The following PPP6C variants were observed in gnomAD, a reference collection of about 807,000 sequenced individuals.
The protein encoded by PPP6C is protein phosphatase 6 catalytic subunit, also known as serine/threonine-protein phosphatase 6 catalytic subunit.
In PPP6C, 11 loss-of-function variants were observed where a neutral mutation model predicts 39.8. The observed-to-expected ratio is 0.28, with a 90% CI of 0.17 to 0.46. The LOEUF is 0.46. Among genes scored for constraint, PPP6C ranks in the 20% least tolerant of loss-of-function variants. PPP6C has a pLI of 1.00. For missense variants in PPP6C, 211 were observed against 373.9 expected, an observed-to-expected ratio of 0.56 and a Z score of 3.59; for synonymous variants, 129 against 130.3, an observed-to-expected ratio of 0.99 and a Z score of 0.07.
At position 125,149,753 on chromosome 9, in the gene PPP6C, T is replaced by C. The variant is rs1835893075; in HGVS notation, c.838A>G (p.Arg280Gly). The change falls in exon 7 of 7, where the codon AGA (arginine) becomes GGA (glycine). Residue 280 changes from arginine to glycine, a missense_variant. Around this residue, in one of 2 missense-constraint regions of PPP6C, gnomAD observed 168 missense variants for 342.6 expected, o/e 0.49. Transcript: ENST00000373547. ...ACTGCCCGGAATAACTTTGGTTCTC[T>C]TGTATTTACATCTTTGAAGACCATG... ...SIMVFKDVNTREPKLFRAVPD... is the reference protein window; with the variant it reads ...SIMVFKDVNTGEPKLFRAVPD... The C allele has an allele frequency of 1.2e-6, 2 of 1,614,194 alleles. No individual in the cohort carries two copies. The highest frequency in any genetic ancestry group is 1.7e-6 in the Non-Finnish European group (2 of 1,180,030).
At chr9:125,174,652 A>G (rs1829255984) in intron 1 of PPP6C, among the ~76,000 whole-genome samples, 1 of 151,880 alleles carries the variant, frequency 6.6e-6, no homozygotes, top group African/African-American at 2.4e-5. Flanking sequence ...GCTCACACCT[A>G]TAATTCCAGC....
intron 1 of PPP6C, chr9:125,172,050 T>C (rs149833473): frequency 6.7e-6 from 3 of 446,856 alleles, no homozygotes; most frequent in African/African-American, 4.0e-5. Context: ...TAAACACATT[T>C]TGGTACATCC....
chr9:125,173,492 C>T (rs952493955), intron 1 of PPP6C, among the ~76,000 whole-genome samples: 6 of 150,522 alleles, frequency 4.0e-5, no homozygotes, highest in Admixed American at 1.3e-4. Context: ...GCAAGAGAAT[C>T]GCTTGAACCC....
At chr9:125,180,879 T>G (rs1829407544) in intron 1 of PPP6C, among the ~76,000 whole-genome samples, 1 of 152,160 alleles carries the variant, frequency 6.6e-6, no homozygotes, top group Non-Finnish European at 1.5e-5. Context: ...AACATCGCTG[T>G]GAAACTCTGT....
chr9:125,162,457 CA>C (rs977223135), intron 2 of PPP6C, among the ~76,000 whole-genome samples: 1,487 of 70,808 alleles, frequency 0.021, 29 homozygotes, highest in East Asian at 0.16. Flanking sequence ...GATTCTGTCT[CA>C]AAAAAAAAAA....
intron 1 of PPP6C, among the ~76,000 whole-genome samples, chr9:125,180,162 G>A (rs1829391832): frequency 6.6e-6 from 1 of 151,872 alleles, no homozygotes; most frequent in African/African-American, 2.4e-5. Context: ...ACACCCCACA[G>A]CCCTATGTAT....
chr9:125,154,375 T>C (rs968457731), intron 4 of PPP6C, among the ~76,000 whole-genome samples: 1 of 152,180 alleles, frequency 6.6e-6, no homozygotes, highest in South Asian at 2.1e-4. Context: ...CATAAGGAAA[T>C]AGTAACACAA....
chr9:125,150,949 A>T, intron 6 of PPP6C: 3 of 1,180,426 alleles, frequency 2.5e-6, no homozygotes, highest in Non-Finnish European at 2.5e-6. Context: ...GATAATAAAG[A>T]GTCAGGTGAC....
rs1222471860 is a variant in PPP6C at position 125,147,736 on chromosome 9, C to G, written c.*1937G>C. Reference sequence around the variant, plus strand: ...GCTAAGGAGTGTCAAACAGGGAGGGCTGGGAGTTACCGGTTCTATTAGTAC... The same window carrying G: ...GCTAAGGAGTGTCAAACAGGGAGGGGTGGGAGTTACCGGTTCTATTAGTAC... On this transcript the variant is annotated 3_prime_UTR_variant, in exon 7 of 7. Transcript: ENST00000373547. The G allele has an allele frequency of 6.6e-6, 1 of 151,902 alleles. No homozygotes were observed. The highest frequency in any genetic ancestry group is 1.5e-5 in the Non-Finnish European group (1 of 67,968). The allele number at this position is 151,902 out of a possible 1,614,324, so 9.4% of individuals were successfully genotyped here. A position where few individuals can be genotyped will look rare whatever the true frequency, so the allele number is the denominator to read the frequency against.
At chr9:125,178,659 C>T (rs916179208) in intron 1 of PPP6C, among the ~76,000 whole-genome samples, 1 of 152,146 alleles carries the variant, frequency 6.6e-6, no homozygotes, top group African/African-American at 2.4e-5. Flanking sequence ...CCTACAGCTA[C>T]CACAAATGCA....
chr9:125,157,368 G>A (rs1162638383), intron 4 of PPP6C, among the ~76,000 whole-genome samples: 1 of 152,114 alleles, frequency 6.6e-6, no homozygotes, highest in East Asian at 1.9e-4. Flanking sequence ...TATGTAAAAG[G>A]ATGTATAACA....
At chr9:125,157,043 A>G (rs1287555509) in intron 4 of PPP6C, among the ~76,000 whole-genome samples, 4 of 152,048 alleles carry the variant, frequency 2.6e-5, no homozygotes, top group South Asian at 2.1e-4. Context: ...GGTCTTTTAC[A>G]TATGTATACA....
intron 1 of PPP6C, among the ~76,000 whole-genome samples, chr9:125,172,747 ACACAAACACAC>A: frequency 6.9e-6 from 1 of 144,314 alleles, no homozygotes; most frequent in African/African-American, 2.9e-5. Flanking sequence ...ACACACACAC[ACACAAACACAC>A]ACACACACAC....
intron 1 of PPP6C, chr9:125,188,961 G>A (rs1033150818): frequency 6.5e-6 from 10 of 1,544,312 alleles, no homozygotes; most frequent in South Asian, 4.8e-5. Flanking sequence ...AGTTAAGAAG[G>A]GGTTAAGGAG....
chr9:125,153,809 A>G, intron 5 of PPP6C, 67 bp from the exon 6 acceptor site: 5 of 1,534,322 alleles, frequency 3.3e-6, no homozygotes, highest in Non-Finnish European at 4.5e-6. Context: ...ATCAGTGAAT[A>G]CTAAAGATAT....
chr9:125,159,674 T>C (rs1211327995), intron 3 of PPP6C, among the ~76,000 whole-genome samples: 1 of 152,198 alleles, frequency 6.6e-6, no homozygotes, highest in Non-Finnish European at 1.5e-5. Flanking sequence ...TTCCCATTAA[T>C]GTCTGACTTG....
At chr9:125,167,475 G>A (rs1829047685) in intron 2 of PPP6C, among the ~76,000 whole-genome samples, 1 of 148,890 alleles carries the variant, frequency 6.7e-6, no homozygotes, top group Non-Finnish European at 1.5e-5. Flanking sequence ...CAGGAGACAG[G>A]AGGATCACAT....
chr9:125,182,967 C>T (rs913223940), intron 1 of PPP6C, among the ~76,000 whole-genome samples: 1 of 151,892 alleles, frequency 6.6e-6, no homozygotes, highest in African/African-American at 2.4e-5. Flanking sequence ...CATAAGTATC[C>T]AAGAGTAATT....
chr9:125,175,560 A>G (rs59943466), intron 1 of PPP6C, among the ~76,000 whole-genome samples: 2,271 of 150,602 alleles, frequency 0.015, 107 homozygotes, highest in Admixed American at 0.082. Flanking sequence ...GGAGAATGGC[A>G]TGAACCCGGG....
Sources: allele counts gnomAD v4.1 joint callset (sites outside exome capture counted in the v4.1 genomes callset), GRCh38; gene constraint gnomAD v4.1.1; regional missense constraint gnomAD v4.1.1; transcripts MANE v1.5; gene names NCBI Gene and HGNC (gene_info 2026-07-23, HGNC 2026-07-21).